PALM2AKAP2: variants seen among roughly 807,000 people sequenced by gnomAD.
PALM2AKAP2 encodes the protein PALM2-AKAP2 fusion protein.
A neutral mutation model predicts 71.5 loss-of-function variants in PALM2AKAP2; 37 were observed. The ratio of observed to expected loss-of-function variants is 0.52; its 90% CI spans 0.40 to 0.68. PALM2AKAP2 has a LOEUF of 0.68. Among genes scored for constraint, PALM2AKAP2 ranks in the 30% least tolerant of loss-of-function variants. PALM2AKAP2 has a pLI of 0.00. For missense variants in PALM2AKAP2, 1,224 were observed against 1,191.8 expected (o/e 1.03, Z -0.40); for synonymous variants, 468 against 478.8 (o/e 0.98, Z 0.29).
At chr9:110,045,574 TTCTC>T (rs1342365393), upstream of PALM2AKAP2, among the ~76,000 whole-genome samples, 1 of 150,762 alleles carries the variant, frequency 6.6e-6, no homozygotes, top group Non-Finnish European at 1.5e-5. Context: ...TCTTTTTTCT[TTCTC>T]TTTTTTTTTG....
chr9:110,145,090 C>A (rs960735063), intron 2 of PALM2AKAP2, among the ~76,000 whole-genome samples: 1 of 152,164 alleles, frequency 6.6e-6, no homozygotes, highest in Non-Finnish European at 1.5e-5. Context: ...ATGCCCAACC[C>A]CTGCATTTTC....
At chr9:109,698,502 C>A (rs1412006964) in intron 1 of PALM2AKAP2, among the ~76,000 whole-genome samples, 1 of 152,138 alleles carries the variant, frequency 6.6e-6, no homozygotes, top group Non-Finnish European at 1.5e-5. Context: ...TGGTCTTGAA[C>A]CCCTGACCTC....
At chr9:110,061,468 A>G (rs1206286380) in intron 1 of PALM2AKAP2, among the ~76,000 whole-genome samples, 3 of 152,064 alleles carry the variant, frequency 2.0e-5, no homozygotes, top group Admixed American at 6.6e-5. Context: ...CCATAAGCAC[A>G]GATACTCTGT....
chr9:110,168,306 A>T (rs538615116), intron 3 of PALM2AKAP2, 93 bp from the exon 11 acceptor site: 1 of 1,473,396 alleles, frequency 6.8e-7, no homozygotes, highest in Admixed American at 2.1e-5. Context: ...TCTCAAGTTG[A>T]TAAAGAGAAA....
intron 1 of PALM2AKAP2, among the ~76,000 whole-genome samples, chr9:110,087,879 G>A (rs183420023): frequency 6.6e-6 from 1 of 152,290 alleles, no homozygotes; most frequent in Admixed American, 6.5e-5. Flanking sequence ...GGTAATAAGT[G>A]CTGAGAAGGG....
chr9:110,136,068 A>T, intron 1 of PALM2AKAP2, 59 bp from the exon 8 acceptor site: 2 of 1,502,944 alleles, frequency 1.3e-6, no homozygotes, highest in African/African-American at 2.8e-5. Context: ...GTTTGTCAGC[A>T]TTCACATCCA....
chr9:109,916,647 T>G lies in PALM2AKAP2; in HGVS notation c.258-7088T>G, dbSNP rs74393107. ...GTGAATGCATCCTTCAAGGCCCAGT[T>G]AATTCATCATCTACTTTGTCGAGTT... is the stretch of plus-strand genomic sequence containing the variant. On this transcript the variant is annotated intron_variant, in intron 3 of 9. Coordinates refer to the PALM2AKAP2 transcript ENST00000302798. Among the ~76,000 whole-genome samples the G allele has an allele frequency of 6.0e-3, 915 of 152,340 alleles. 9 individuals carry two copies. The highest frequency in any genetic ancestry group is 0.028 in the East Asian group (147 of 5,180).
chr9:110,024,143 C>G (rs1480808853), intron 7 of PALM2AKAP2, among the ~76,000 whole-genome samples: 1 of 151,996 alleles, frequency 6.6e-6, no homozygotes, highest in Non-Finnish European at 1.5e-5. Context: ...ATATGGTTCC[C>G]CCAGGTAGGT....
chr9:109,985,776 A>G (rs1384629859), intron 6 of PALM2AKAP2, among the ~76,000 whole-genome samples: 1 of 151,732 alleles, frequency 6.6e-6, no homozygotes, highest in African/African-American at 2.4e-5. Context: ...CAGCCACCTA[A>G]GTAGCTGGGA....
chr9:110,108,941 C>G (rs1835176882), intron 1 of PALM2AKAP2, among the ~76,000 whole-genome samples: 1 of 151,958 alleles, frequency 6.6e-6, no homozygotes, highest in Non-Finnish European at 1.5e-5. Context: ...CCATGGGGCT[C>G]AAAACCCAAA....
chr9:109,883,048 A>T (rs531940903), intron 3 of PALM2AKAP2, among the ~76,000 whole-genome samples: 2 of 152,154 alleles, frequency 1.3e-5, no homozygotes, highest in Non-Finnish European at 2.9e-5. Flanking sequence ...TTATGGTCCA[A>T]TAGGTGGTAA....
intron 1 of PALM2AKAP2, among the ~76,000 whole-genome samples, chr9:109,848,918 T>C (rs749955860): frequency 1.3e-5 from 2 of 151,584 alleles, no homozygotes; most frequent in Non-Finnish European, 2.9e-5. Flanking sequence ...CAGAACAAGT[T>C]GATTCAATTA....
chr9:110,137,560 G>A (rs1237957113), exon 2 of PALM2AKAP2: 5 of 1,614,196 alleles, frequency 3.1e-6, no homozygotes, highest in Non-Finnish European at 4.2e-6. Flanking sequence ...CGAGCGCCCG[G>A]GCTGTCCTCA....
At chr9:109,737,502 C>T (rs1380343488) in intron 1 of PALM2AKAP2, among the ~76,000 whole-genome samples, 2 of 152,202 alleles carry the variant, frequency 1.3e-5, no homozygotes, top group Non-Finnish European at 2.9e-5. Flanking sequence ...GAGACAGCAG[C>T]AGCCACTGTA....
chr9:110,126,989 T>A (rs567254547), intron 1 of PALM2AKAP2, among the ~76,000 whole-genome samples: 48 of 152,330 alleles, frequency 3.2e-4, no homozygotes, highest in African/African-American at 1.0e-3. Flanking sequence ...CAGGGAAGCC[T>A]TGTTTCCAGT....
chr9:109,708,387 C>A (rs188047705), intron 1 of PALM2AKAP2, among the ~76,000 whole-genome samples: 1 of 152,298 alleles, frequency 6.6e-6, no homozygotes, highest in South Asian at 2.1e-4. Flanking sequence ...TGAATTCACT[C>A]TTCATATTTT....
chr9:110,044,173 A>G (rs1457026107), upstream of PALM2AKAP2, among the ~76,000 whole-genome samples: 1 of 152,024 alleles, frequency 6.6e-6, no homozygotes, highest in East Asian at 1.9e-4. Flanking sequence ...TCAGTGGTGC[A>G]TCTGATCCCA....
chr9:109,662,810 G>T (rs1827419502), intron 1 of PALM2AKAP2, among the ~76,000 whole-genome samples: 1 of 151,986 alleles, frequency 6.6e-6, no homozygotes, highest in Admixed American at 6.6e-5. Flanking sequence ...GACTTTTTTT[G>T]GTTGGTAGGC....
intron 1 of PALM2AKAP2, among the ~76,000 whole-genome samples, chr9:109,860,723 C>T (rs893528006): frequency 1.3e-5 from 2 of 152,140 alleles, no homozygotes; most frequent in African/African-American, 4.8e-5. Context: ...TTTTCTCGAT[C>T]ATTTTTCCCC....
Sources: allele counts gnomAD v4.1 joint callset (sites outside exome capture counted in the v4.1 genomes callset), GRCh38; gene constraint gnomAD v4.1.1; transcripts MANE v1.5; gene names NCBI Gene and HGNC (gene_info 2026-07-23, HGNC 2026-07-21).